Variants in KIF13A observed in about 807,000 individuals in gnomAD.
KIF13A encodes kinesin-like protein KIF13A.
KIF13A carries 79 observed loss-of-function variants against 212.2 expected under a neutral mutation model. The observed-to-expected ratio is 0.37, with a 90% confidence interval of 0.31 to 0.45. The LOEUF is 0.45. Among genes scored for constraint, KIF13A ranks in the 20% least tolerant of loss-of-function variants. KIF13A has a pLI of 1.00. For missense variants in KIF13A, 1,901 were observed against 2,209.0 expected (o/e 0.86, Z 2.79); for synonymous variants, 789 against 808.6 (o/e 0.98, Z 0.41).
chr6:17,817,802 C>T (rs1362429102), intron 16 of KIF13A, among the ~76,000 whole-genome samples: 1 of 152,208 alleles, frequency 6.6e-6, no homozygotes, highest in Admixed American at 6.5e-5. Context: ...ATTTCTCAGA[C>T]TAGTATCTAA....
At chr6:17,885,260 T>G (rs1403349000) in intron 3 of KIF13A, among the ~76,000 whole-genome samples, 2 of 152,202 alleles carry the variant, frequency 1.3e-5, no homozygotes, top group Admixed American at 6.5e-5. Flanking sequence ...CAGGAGGAAC[T>G]CCAGCATGTA....
rs527746322 is a variant in KIF13A, at chr6:17,789,176, A to C, written c.3261+696T>G. On this transcript the variant is annotated intron_variant, in intron 26 of 38. Coordinates refer to ENST00000259711, the MANE Select transcript of KIF13A (RefSeq NM_022113.6). The surrounding 1 kb of genome is among the most constrained non-coding windows in gnomAD (Gnocchi z 4.8). ...TTTGTACGTAACCCCACACTCCATG[A>C]TATCAGGCCAGTCAGTGCTGACTAG... Among the ~76,000 whole-genome samples the C allele has an allele frequency of 1.1e-4, 16 of 152,298 alleles. No individual in the cohort carries two copies. In the East Asian group the frequency reaches 3.1e-3, roughly 29 times the overall value.
intron 3 of KIF13A, among the ~76,000 whole-genome samples, chr6:17,873,835 T>G (rs1344746234): frequency 6.6e-6 from 1 of 152,072 alleles, no homozygotes; most frequent in African/African-American, 2.4e-5. Flanking sequence ...AGTAATCCTC[T>G]CTCTTCTGCC....
intron 18 of KIF13A, 42 bp from the exon 19 acceptor site, chr6:17,805,657 C>G: frequency 6.5e-7 from 1 of 1,542,518 alleles, no homozygotes; most frequent in Non-Finnish European, 8.8e-7. Context: ...GTTATAACTC[C>G]TTTTTCGATT....
intron 4 of KIF13A, among the ~76,000 whole-genome samples, chr6:17,870,167 T>C (rs1769873162): frequency 6.6e-6 from 1 of 152,172 alleles, no homozygotes; most frequent in Middle Eastern, 3.2e-3. Context: ...ATCATAGTAT[T>C]TGTATGATAA....
At chr6:17,760,915 C>T (rs560727466), downstream of KIF13A, 6 of 1,609,604 alleles carry the variant, frequency 3.7e-6, no homozygotes, top group African/African-American at 8.0e-5. Flanking sequence ...GCTTCTCATC[C>T]CCACCTCCCC....
At chr6:17,801,727 T>G (rs1217792684) in intron 20 of KIF13A, among the ~76,000 whole-genome samples, 3 of 151,748 alleles carry the variant, frequency 2.0e-5, no homozygotes, top group African/African-American at 7.3e-5. Flanking sequence ...CTCTTGAGAG[T>G]AGAGAATGGG....
At chr6:17,944,369 A>G (rs1777206703) in intron 2 of KIF13A, among the ~76,000 whole-genome samples, 2 of 152,220 alleles carry the variant, frequency 1.3e-5, no homozygotes, top group African/African-American at 4.8e-5. Context: ...AAATCCATTT[A>G]CACTCCATTA....
Position 17,773,204 on chromosome 6 carries a change from C to A in KIF13A, c.4324+274G>T, listed in dbSNP as rs1019615044. On this transcript the variant is annotated intron_variant, in intron 36 of 38. Coordinates refer to ENST00000259711, the MANE Select transcript of KIF13A (RefSeq NM_022113.6). This position sits in a 1 kb window ranked among gnomAD's most constrained non-coding sequence, Gnocchi z 4.2. ...GATTTGTATGTGTCTCAAAACTGGA[C>A]TTGAAAGTCAGGAAATGATGACAAA... 4.6e-5 allele frequency among the ~76,000 whole-genome samples: 7 copies of A among 152,080 alleles called. No homozygotes were observed. The highest frequency in any genetic ancestry group is 2.1e-4 in the South Asian group (1 of 4,830).
chr6:17,855,392 A>G lies in KIF13A; in HGVS notation c.494+45T>C, dbSNP rs1455526893. On this transcript the variant is annotated intron_variant, in intron 6 of 38. Coordinates refer to ENST00000259711, the MANE Select transcript of KIF13A (RefSeq NM_022113.6). The surrounding 1 kb of genome is among the most constrained non-coding windows in gnomAD (Gnocchi z 4.1). Reference sequence around the variant, plus strand: ...AATTTTAACTTTAGAATCATTTAAAATTATCTCCCCCTATTAACACACTTA... The same window carrying G: ...AATTTTAACTTTAGAATCATTTAAAGTTATCTCCCCCTATTAACACACTTA... 7.1e-7 allele frequency: 1 copy of G among 1,399,754 alleles called. No individual in the cohort carries two copies. Among genetic ancestry groups the G allele is most frequent in the African/African-American group, 1.4e-5 (1 of 69,026 alleles). 86.7% of individuals were successfully genotyped at this position (1,399,754 alleles called of 1,614,324 possible).
chr6:17,984,585 G>GTTTT lies in KIF13A; in HGVS notation c.146+2465_146+2468dup. The GTTTT allele has an allele frequency of 1.1e-5, 9 of 828,012 alleles. No homozygotes were observed. Among genetic ancestry groups the GTTTT allele is most frequent in the Non-Finnish European group, 1.3e-5 (9 of 694,028 alleles). The allele number at this position is 828,012 out of a possible 1,614,324, so 51.3% of individuals were successfully genotyped here. A position where few individuals can be genotyped will look rare whatever the true frequency, so the allele number is the denominator to read the frequency against. On this transcript the variant is annotated intron_variant, in intron 2 of 38. Coordinates refer to ENST00000259711, the MANE Select transcript of KIF13A (RefSeq NM_022113.6). The surrounding 1 kb of genome is among the most constrained non-coding windows in gnomAD (Gnocchi z 5.0). Reference sequence around the variant, plus strand: ...GAAACAATGAAAGCTGACCCCATCTGTTTTTTTTTTTTTTCCCTGGACGTC... The same window carrying GTTTT: ...GAAACAATGAAAGCTGACCCCATCTGTTTTTTTTTTTTTTTTTTCCCTGGACGTC...
chr6:17,884,417 T>TATAG (rs1487885145), intron 3 of KIF13A, among the ~76,000 whole-genome samples: 1 of 152,234 alleles, frequency 6.6e-6, no homozygotes, highest in Non-Finnish European at 1.5e-5. Context: ...CTAAATACTT[T>TATAG]ATATTCTCAC....
chr6:17,775,278 T>G (rs544836233), intron 34 of KIF13A, among the ~76,000 whole-genome samples: 5 of 152,210 alleles, frequency 3.3e-5, no homozygotes, highest in Admixed American at 3.3e-4. Flanking sequence ...TCATAACCAA[T>G]AGTTAACATT....
In KIF13A at chr6:17,777,979, A is replaced by G. The variant is rs1760154022; in HGVS notation, c.4093-625T>C. Among the ~76,000 whole-genome samples, 1 of 152,032 alleles carries G rather than the reference A, an allele frequency of 6.6e-6. No individual in the cohort carries two copies. The highest frequency in any genetic ancestry group is 2.4e-5 in the African/African-American group (1 of 41,402). Reference sequence around the variant, plus strand: ...TGGTAAAACCCTGTTTCTACTAAAAAATACAAAAATTAGCTGGGCATGGTG... The same window carrying G: ...TGGTAAAACCCTGTTTCTACTAAAAGATACAAAAATTAGCTGGGCATGGTG... On this transcript the variant is annotated intron_variant, in intron 33 of 38. Coordinates refer to ENST00000259711, the MANE Select transcript of KIF13A (RefSeq NM_022113.6). This position sits in a 1 kb window ranked among gnomAD's most constrained non-coding sequence, Gnocchi z 4.4.
At chr6:17,985,632 C>CGGGGGGG (rs1554128614) in intron 2 of KIF13A, among the ~76,000 whole-genome samples, 12 of 38,158 alleles carry the variant, frequency 3.1e-4, no homozygotes, top group African/African-American at 9.9e-4. Flanking sequence ...ATGCAGTTTG[C>CGGGGGGG]GGGGGGGTGG....
intron 38 of KIF13A, among the ~76,000 whole-genome samples, chr6:17,765,730 T>C (rs1015981345): frequency 2.0e-5 from 3 of 152,184 alleles, no homozygotes; most frequent in Non-Finnish European, 4.4e-5. Context: ...CCCCAGTCTC[T>C]CTCCAAATGA....
chr6:17,891,874 T>C (rs566958784), intron 3 of KIF13A, among the ~76,000 whole-genome samples: 33 of 152,182 alleles, frequency 2.2e-4, no homozygotes, highest in Non-Finnish European at 2.9e-4. Context: ...TTTCATTGGT[T>C]CTTCCTCCTC....
chr6:17,882,026 A>G (rs952974813), intron 3 of KIF13A: 14 of 456,750 alleles, frequency 3.1e-5, no homozygotes, highest in Non-Finnish European at 4.8e-5. Context: ...AAGATCTTCT[A>G]TGTTCCCTGC....
At position 17,805,113 on chromosome 6, in the gene KIF13A, G is replaced by A. The variant is rs551447740; in HGVS notation, c.2304+362C>T. The stretch of plus-strand genomic sequence containing the variant: ...TGCGTGAACACACATTAATGAATGC[G>A]AAATCCACACTGGCTCCAGTCAAGC... On this transcript the variant is annotated intron_variant, in intron 19 of 38. Transcript: ENST00000259711. Among the ~76,000 whole-genome samples, 83 of 152,248 alleles carry A rather than the reference G, an allele frequency of 5.5e-4. 1 individual carries two copies. Among genetic ancestry groups the A allele is most frequent in the African/African-American group, 1.9e-3 (80 of 41,546 alleles).
Sources: allele counts gnomAD v4.1 joint callset (sites outside exome capture counted in the v4.1 genomes callset), GRCh38; gene constraint gnomAD v4.1.1; non-coding constraint Gnocchi (gnomAD v3.1); transcripts MANE v1.5; gene names NCBI Gene and HGNC (gene_info 2026-07-23, HGNC 2026-07-21).